The following ZNF518B variants were observed in gnomAD, a reference collection of about 807,000 sequenced individuals.
The protein encoded by ZNF518B is zinc finger protein 518B.
In ZNF518B, 23 loss-of-function variants were observed where a neutral mutation model predicts 56.3. The observed-to-expected ratio is 0.41, with a 90% CI of 0.29 to 0.58. ZNF518B has a LOEUF of 0.58. Ranked by LOEUF, ZNF518B falls within the 20% of genes least tolerant of loss-of-function variation. The pLI is 0.32. For synonymous variants in ZNF518B, 529 were observed against 465.9 expected, an observed-to-expected ratio of 1.14 and a Z score of -1.74; for missense variants, 1,460 against 1,272.1, an observed-to-expected ratio of 1.15 and a Z score of -2.25.
intron 1 of ZNF518B, among the ~76,000 whole-genome samples, chr4:10,455,916 GT>G (rs1250277429): frequency 2.6e-5 from 4 of 152,170 alleles, no homozygotes; most frequent in Non-Finnish European, 5.9e-5. Context: ...TATAACATTG[GT>G]TTCTAAAACA....
rs1215374863 is a variant in ZNF518B at position 10,446,081 on chromosome 4, A to C, written c.248T>G (p.Met83Arg). ...DLQKGTGKDG[M>R]YVCFQCSLGA... ...GAGGCTGCACTGGAAGCAGACATAC[A>C]TACCGTCCTTCCCTGTACCCTTCTG... is the stretch of plus-strand genomic sequence containing the variant. Residue 83 changes from methionine to arginine, a missense_variant, in exon 3 of 3, where the codon ATG (methionine) becomes AGG (arginine). By Grantham distance (91) the Met-to-Arg change is moderately conservative. Transcript: ENST00000326756. The C allele has an allele frequency of 1.2e-6, 2 of 1,614,074 alleles. No individual in the cohort carries two copies. The highest frequency in any genetic ancestry group is 1.3e-5 in the African/African-American group (1 of 74,936).
chr4:10,443,261 A>C lies in ZNF518B; in HGVS notation c.3068T>G (p.Val1023Gly). 2.5e-6 allele frequency: 4 copies of C among 1,614,106 alleles called. No individual in the cohort carries two copies. The highest frequency in any genetic ancestry group is 3.4e-6 in the Non-Finnish European group (4 of 1,180,006). The stretch of plus-strand genomic sequence containing the variant: ...AGAATCATCAGGCAAGGAATCCACT[A>C]CCTGGTAGTTGTTTTTATGAACTTT... ...LKKVHKNNYQ[V>G]VDSLPDDSSQ... The change falls in exon 3 of 3, where the codon GTA becomes GGA. Residue 1023 changes from valine to glycine, a missense_variant. By Grantham distance (109) the Val-to-Gly change is moderately radical. Coordinates refer to ENST00000326756, the MANE Select transcript of ZNF518B (RefSeq NM_053042.3).
At chr4:10,448,487 T>A (rs1305743701) in intron 2 of ZNF518B, among the ~76,000 whole-genome samples, 2 of 152,204 alleles carry the variant, frequency 1.3e-5, no homozygotes, top group Non-Finnish European at 2.9e-5. Flanking sequence ...GATGACAAGC[T>A]GTATTTTCTT....
Position 10,441,183 on chromosome 4 carries a change from C to T in ZNF518B, c.*1921G>A, listed in dbSNP as rs1714659341. ...ATTTCTAGAATATAAAAACGTTCTA[C>T]ATTTTTCCAGCCCATGTATCATTAT... On this transcript the variant is annotated 3_prime_UTR_variant, in exon 3 of 3. Transcript: ENST00000326756. 6.6e-6 allele frequency: 1 copy of T among 152,562 alleles called. No individual in the cohort carries two copies. Among genetic ancestry groups the T allele is most frequent in the Admixed American group, 6.5e-5 (1 of 15,272 alleles). 9.5% of individuals were successfully genotyped at this position (152,562 alleles called of 1,614,324 possible).
intron 2 of ZNF518B, among the ~76,000 whole-genome samples, chr4:10,449,836 T>C (rs969433770): frequency 3.3e-5 from 5 of 152,214 alleles, no homozygotes; most frequent in Admixed American, 3.3e-4. Flanking sequence ...ATTTGAACAA[T>C]CATCCAAACC....
chr4:10,458,053 C>T (rs575782558), upstream of ZNF518B, among the ~76,000 whole-genome samples: 1 of 152,136 alleles, frequency 6.6e-6, no homozygotes, highest in Non-Finnish European at 1.5e-5. Context: ...AGGGTGTGAG[C>T]TCATTTAATG....
Position 10,441,715 on chromosome 4 carries a change from C to G in ZNF518B, c.*1389G>C, listed in dbSNP as rs1182250250. On this transcript the variant is annotated 3_prime_UTR_variant, in exon 3 of 3. Transcript: ENST00000326756. ...CCCAGCCACCTATCTGCCCAAGAGG[C>G]TGTGCTTGTGCAGGGGGTGGGCCTT... is the stretch of plus-strand genomic sequence containing the variant. 1 of 152,260 alleles carries G rather than the reference C, an allele frequency of 6.6e-6. No individual in the cohort carries two copies. The highest frequency in any genetic ancestry group is 1.5e-5 in the Non-Finnish European group (1 of 68,050). The allele number at this position is 152,260 out of a possible 1,614,324, so 9.4% of individuals were successfully genotyped here. A position where few individuals can be genotyped will look rare whatever the true frequency, so the allele number is the denominator to read the frequency against.
rs1560168815 is a variant in ZNF518B at position 10,444,114 on chromosome 4, GCTGT to G, written c.2211_2214del (p.Arg737SerfsTer34). 5 of 1,614,110 alleles carry G rather than the reference GCTGT, an allele frequency of 3.1e-6. No individual in the cohort carries two copies. Among genetic ancestry groups the G allele is most frequent in the South Asian group, 1.1e-5 (1 of 91,090 alleles). On this transcript the variant is annotated frameshift_variant, in exon 3 of 3. Coordinates refer to ENST00000326756, the MANE Select transcript of ZNF518B (RefSeq NM_053042.3). LOFTEE classifies it high-confidence loss of function. ...TGTGGATATATTTGTTGATGAGTAA[GCTGT>G]CTATTACCAGTAATACCACCATCAT...
chr4:10,444,049 C>T lies in ZNF518B; in HGVS notation c.2280G>A (p.Val760=). 1 of 1,614,196 alleles carries T rather than the reference C, an allele frequency of 6.2e-7. No homozygotes were observed. Among genetic ancestry groups the T allele is most frequent in the Non-Finnish European group, 8.5e-7 (1 of 1,180,040 alleles). The change falls in exon 3 of 3, where the codon GTG becomes GTA. Residue 760 remains valine, a synonymous_variant. Coordinates refer to ENST00000326756, the MANE Select transcript of ZNF518B (RefSeq NM_053042.3). ...GCGTGGCAACATGAGCCTTCCTGGC[C>T]ACTCTGCTTTTGGTTTTCCTATTAC... ...DGSNRKTKSR[V]ARKAHVATPV...
chr4:10,451,259 T>C (rs945383389), intron 2 of ZNF518B: 8 of 152,196 alleles, frequency 5.3e-5, no homozygotes, highest in Non-Finnish European at 7.3e-5. Context: ...TAAAAGACTG[T>C]GTAAGTTCCT....
chr4:10,445,933 T>G lies in ZNF518B; in HGVS notation c.396A>C (p.Pro132=). 1 of 1,614,258 alleles carries G rather than the reference T, an allele frequency of 6.2e-7. No individual in the cohort carries two copies. The highest frequency in any genetic ancestry group is 1.1e-5 in the South Asian group (1 of 91,088). ...NSKFKVRNFK[P]GKYYCDKCRF... ...GACATTTATCACAATAGTATTTGCC[T>G]GGCTTAAAGTTCCTTACCTTAAATT... Residue 132 remains proline (P), a synonymous_variant, in exon 3 of 3, where the codon CCA becomes CCC. Transcript: ENST00000326756.
rs764767876 is a variant in ZNF518B at position 10,444,945 on chromosome 4, C to T, written c.1384G>A (p.Asp462Asn). 6.2e-7 allele frequency: 1 copy of T among 1,610,624 alleles called. No individual in the cohort carries two copies. The highest frequency in any genetic ancestry group is 8.5e-7 in the Non-Finnish European group (1 of 1,179,102). Residue 462 changes from aspartate to asparagine, a missense_variant, in exon 3 of 3, where the codon GAT becomes AAT. By Grantham distance (23) the Asp-to-Asn change is conservative (BLOSUM62 1). Coordinates refer to ENST00000326756, the MANE Select transcript of ZNF518B (RefSeq NM_053042.3). ...KSFINSETIE[D>N]FQKKNNLYPH... ...TACAAATTATTTTTTTTCTGAAAATCCTCAATTGTTTCCGAATTAATGAAG... is the reference window on the plus strand; with the variant it reads ...TACAAATTATTTTTTTTCTGAAAATTCTCAATTGTTTCCGAATTAATGAAG...
chr4:10,445,582 C>A lies in ZNF518B; in HGVS notation c.747G>T (p.Arg249=), dbSNP rs1283560926. The A allele has an allele frequency of 2.5e-6, 4 of 1,613,990 alleles. No individual in the cohort carries two copies. The highest frequency in any genetic ancestry group is 1.7e-5 in the Admixed American group (1 of 59,998). Residue 249 remains arginine, a synonymous_variant, in exon 3 of 3, where the codon CGG becomes CGT. Transcript: ENST00000326756. ...CTGACCACTTATTTTGAAATGTAGT[C>A]CGTGGATTGGAAGCTTTTAGAAGCT... The part of the protein sequence containing the change: ...NPELLKASNP[R]TTFQNKWSDQ...
intron 1 of ZNF518B, chr4:10,457,051 C>A (rs1715570259): frequency 6.7e-6 from 1 of 149,140 alleles, no homozygotes; most frequent in Non-Finnish European, 1.5e-5. Context: ...CGCGTACCTG[C>A]TCAACGCGCG....
At position 10,440,482 on chromosome 4, in the gene ZNF518B, C is replaced by T. The variant is rs999842631; in HGVS notation, c.*2622G>A. On this transcript the variant is annotated 3_prime_UTR_variant, in exon 3 of 3. Coordinates refer to ENST00000326756, the MANE Select transcript of ZNF518B (RefSeq NM_053042.3). Reference sequence around the variant, plus strand: ...ACACAAATACTCAACACAGGTCTGCCCCTACTCCCTTGTATTGTTAGAAAT... The same window carrying T: ...ACACAAATACTCAACACAGGTCTGCTCCTACTCCCTTGTATTGTTAGAAAT... The T allele has an allele frequency of 6.6e-6, 1 of 152,534 alleles. No homozygotes were observed. Among genetic ancestry groups the T allele is most frequent in the Non-Finnish European group, 1.5e-5 (1 of 68,020 alleles). 9.4% of individuals were successfully genotyped at this position (152,534 alleles called of 1,614,324 possible).
chr4:10,447,258 A>G (rs1715098901), intron 2 of ZNF518B, among the ~76,000 whole-genome samples: 1 of 152,184 alleles, frequency 6.6e-6, no homozygotes, highest in Non-Finnish European at 1.5e-5. Context: ...CTTGGGAAAA[A>G]AGCAAGGCCA....
intron 2 of ZNF518B, among the ~76,000 whole-genome samples, chr4:10,450,659 ACT>A (rs1715264144): frequency 6.6e-6 from 1 of 152,000 alleles, no homozygotes; most frequent in Admixed American, 6.6e-5. Flanking sequence ...GCAAGTTATG[ACT>A]CTCTGGATGG....
intron 2 of ZNF518B, chr4:10,452,134 T>C (rs1715345757): frequency 6.6e-6 from 1 of 152,182 alleles, no homozygotes; most frequent in African/African-American, 2.4e-5. Context: ...ACCATACTCA[T>C]TGCTGGGGCA....
At chr4:10,457,775 G>C (rs1391715374), upstream of ZNF518B, among the ~76,000 whole-genome samples, 1 of 152,222 alleles carries the variant, frequency 6.6e-6, no homozygotes, top group African/African-American at 2.4e-5. Context: ...GAGTGAAAGC[G>C]AGAGAAGAGG....
Sources: gnomAD v4.1 joint callset for allele counts (sites outside exome capture counted in the v4.1 genomes callset) on GRCh38, gnomAD v4.1.1 for gene constraint, MANE v1.5 for transcripts, NCBI Gene and HGNC (gene_info 2026-07-23, HGNC 2026-07-21) for gene names.